The following RUNX1T1 variants were observed in gnomAD, a reference collection of about 807,000 sequenced individuals.
The protein encoded by RUNX1T1 is protein CBFA2T1.
A neutral mutation model predicts 62.8 loss-of-function variants in RUNX1T1; 4 were observed. That is an observed-to-expected ratio of 0.06 (90% CI 0.03 to 0.15). RUNX1T1 has a LOEUF of 0.15. RUNX1T1 is among the 10% of genes least tolerant of loss of function. RUNX1T1 has a pLI of 1.00. For missense variants in RUNX1T1, 508 were observed against 754.3 expected, an observed-to-expected ratio of 0.67 and a Z score of 3.82; for synonymous variants, 291 against 286.0, an observed-to-expected ratio of 1.02 and a Z score of -0.18.
At chr8:91,968,042 A>T (rs2130570105) in intron 10 of RUNX1T1, among the ~76,000 whole-genome samples, 1 of 152,320 alleles carries the variant, frequency 6.6e-6, no homozygotes, top group African/African-American at 2.4e-5. Context: ...ATATCGTCCC[A>T]TTCCTTAAGA....
exon 10 of RUNX1T1, chr8:91,970,676 C>A: frequency 6.2e-7 from 1 of 1,607,478 alleles, no homozygotes; most frequent in Non-Finnish European, 8.5e-7. Context: ...AATCCTCCTG[C>A]TGATTGATAA....
chr8:91,970,043 T>TGTGTGTGTGTGTGTGTTG (rs11374252), intron 10 of RUNX1T1, among the ~76,000 whole-genome samples: 2 of 142,716 alleles, frequency 1.4e-5, no homozygotes, highest in African/African-American at 5.3e-5. Flanking sequence ...TGTGTGTGTG[T>TGTGTGTGTGTGTGTGTTG]TGTGTGTGTG....
At chr8:92,043,407 G>GA (rs375056940) in intron 1 of RUNX1T1, among the ~76,000 whole-genome samples, 2,179 of 146,546 alleles carry the variant, frequency 0.015, 55 homozygotes, top group African/African-American at 0.051. Context: ...ACTAAGGAAG[G>GA]AAAAAAAAAC....
chr8:92,060,551 ATATGTGTGTGTGTGTGTG>A (rs1831808680), intron 1 of RUNX1T1, among the ~76,000 whole-genome samples: 3 of 95,328 alleles, frequency 3.1e-5, no homozygotes, highest in South Asian at 7.0e-4. Context: ...ATATATATAT[ATATGTGTGTGTGTGTGTG>A]TGTGTGTGTG....
intron 10 of RUNX1T1, among the ~76,000 whole-genome samples, chr8:91,968,828 A>ACTC (rs1252860078): frequency 5.3e-5 from 8 of 152,160 alleles, no homozygotes; most frequent in Non-Finnish European, 1.2e-4. Context: ...CCATAGCATG[A>ACTC]CTCAAGGTTC....
intron 1 of RUNX1T1, among the ~76,000 whole-genome samples, chr8:92,030,254 C>A (rs1306377368): frequency 6.6e-6 from 1 of 152,098 alleles, no homozygotes; most frequent in African/African-American, 2.4e-5. Flanking sequence ...GTAGAGCTTA[C>A]CACAACTGTT....
intron 1 of RUNX1T1, among the ~76,000 whole-genome samples, chr8:92,045,681 C>T (rs1829267394): frequency 6.6e-6 from 1 of 152,156 alleles, no homozygotes; most frequent in Non-Finnish European, 1.5e-5. Context: ...CCTAATCAGT[C>T]TCCACTTTTC....
At chr8:91,982,837 G>C (rs74538722) in intron 8 of RUNX1T1, among the ~76,000 whole-genome samples, 3 of 150,150 alleles carry the variant, frequency 2.0e-5, no homozygotes, top group African/African-American at 7.3e-5. Context: ...ATACCATTAT[G>C]AATTCAGTGT....
intron 1 of RUNX1T1, among the ~76,000 whole-genome samples, chr8:92,058,743 T>C (rs969795857): frequency 8.5e-5 from 13 of 152,150 alleles, no homozygotes; most frequent in African/African-American, 2.9e-4. Context: ...TTTCAGAAAA[T>C]TATAATTACA....
intron 1 of RUNX1T1, among the ~76,000 whole-genome samples, chr8:92,037,685 T>G (rs1431748331): frequency 1.3e-5 from 2 of 151,652 alleles, no homozygotes; most frequent in African/African-American, 4.8e-5. Context: ...TCAAAAAAAA[T>G]AAATTTAAAA....
intron 1 of RUNX1T1, among the ~76,000 whole-genome samples, chr8:92,087,435 T>C (rs1307178369): frequency 3.9e-5 from 6 of 152,190 alleles, no homozygotes; most frequent in Admixed American, 3.9e-4. Flanking sequence ...TCCCTATTCC[T>C]ATTGTATAAC....
In RUNX1T1 at chr8:92,009,852, A is replaced by G. The variant is rs577414490; in HGVS notation, c.477+1150T>C. 6 of 151,550 alleles carry G rather than the reference A, an allele frequency of 4.0e-5. No homozygotes were observed. The South Asian group carries it at 1.2e-3, about 31-fold the overall frequency. The allele number at this position is 151,550 out of a possible 1,614,324, so 9.4% of individuals were successfully genotyped here. On this transcript the variant is annotated intron_variant, in intron 4 of 10. Coordinates refer to ENST00000396218, the Ensembl canonical transcript of RUNX1T1. ...TAAATGTACAACTTAGAAAAGAACG[A>G]AAAGAATATAATTGTAATCTGGGTT...
At chr8:92,043,375 T>G (rs1190187215) in intron 1 of RUNX1T1, among the ~76,000 whole-genome samples, 4 of 151,734 alleles carry the variant, frequency 2.6e-5, no homozygotes, top group Non-Finnish European at 5.9e-5. Flanking sequence ...GTCCCAGTCT[T>G]AACAACCAAA....
chr8:92,063,034 ACCAC>A, upstream of RUNX1T1: 1 of 902,874 alleles, frequency 1.1e-6, no homozygotes, highest in Non-Finnish European at 1.4e-6. Context: ...CTGGCCCCCT[ACCAC>A]CCCTCACAAT....
intron 3 of RUNX1T1, 149 bp from the exon 5 acceptor site, chr8:92,011,240 CTT>C (rs1159421508): frequency 6.8e-6 from 4 of 587,536 alleles, no homozygotes; most frequent in Non-Finnish European, 1.2e-5. Context: ...AACCTATTGA[CTT>C]TGTAAAAATG....
chr8:92,063,991 C>T (rs1236230757), upstream of RUNX1T1, among the ~76,000 whole-genome samples: 2 of 152,178 alleles, frequency 1.3e-5, no homozygotes, highest in African/African-American at 4.8e-5. Context: ...ATGTCCTTTA[C>T]TTACTCTACA....
At chr8:92,061,837 G>C (rs1201655162) in intron 1 of RUNX1T1, among the ~76,000 whole-genome samples, 1 of 152,052 alleles carries the variant, frequency 6.6e-6, no homozygotes, top group Non-Finnish European at 1.5e-5. Context: ...CAGTTCTTGA[G>C]AACAGCCGAA....
At chr8:92,057,328 CAAAA>C (rs1831199977) in intron 1 of RUNX1T1, among the ~76,000 whole-genome samples, 1 of 152,074 alleles carries the variant, frequency 6.6e-6, no homozygotes. Context: ...AATAAGGAAA[CAAAA>C]AGAGAATTCA....
chr8:92,022,761 C>T (rs1824365968), intron 1 of RUNX1T1, among the ~76,000 whole-genome samples: 1 of 152,150 alleles, frequency 6.6e-6, no homozygotes, highest in Non-Finnish European at 1.5e-5. Context: ...CACAAATGGA[C>T]TAAGACCATA....
Sources: gnomAD v4.1 joint callset for allele counts (sites outside exome capture counted in the v4.1 genomes callset) on GRCh38, gnomAD v4.1.1 for gene constraint, MANE v1.5 for transcripts, NCBI Gene and HGNC (gene_info 2026-07-23, HGNC 2026-07-21) for gene names.